PITPNB: variants seen among roughly 807,000 people sequenced by gnomAD.
PITPNB encodes the protein phosphatidylinositol transfer protein beta isoform.
PITPNB carries 16 observed loss-of-function variants against 45.9 expected under a neutral mutation model. The ratio of observed to expected loss-of-function variants is 0.35; its 90% CI spans 0.24 to 0.53. The LOEUF (loss-of-function observed/expected upper bound fraction) is 0.53. Among genes scored for constraint, PITPNB ranks in the 20% least tolerant of loss-of-function variants. The pLI, the probability that PITPNB is intolerant of heterozygous loss-of-function variation, is 0.93. For missense variants in PITPNB, 188 were observed against 330.5 expected, an observed-to-expected ratio of 0.57 and a Z score of 3.34; for synonymous variants, 112 against 108.9, an observed-to-expected ratio of 1.03 and a Z score of -0.18.
chr22:27,886,167 C>T (rs570303582), intron 7 of PITPNB, among the ~76,000 whole-genome samples: 27 of 152,332 alleles, frequency 1.8e-4, no homozygotes, highest in African/African-American at 6.0e-4. Context: ...TCTCTTGAAA[C>T]AGGAAATCCG....
chr22:27,896,320 G>A (rs1456895400), intron 6 of PITPNB, among the ~76,000 whole-genome samples: 1 of 152,106 alleles, frequency 6.6e-6, no homozygotes. Context: ...TCCTTGTCTC[G>A]GATAAAGAGA....
chr22:27,876,232 C>T (rs1028259225), intron 7 of PITPNB, among the ~76,000 whole-genome samples: 4 of 152,240 alleles, frequency 2.6e-5, no homozygotes, highest in African/African-American at 9.6e-5. Flanking sequence ...ACAATCAAAC[C>T]ACATTTCAAA....
chr22:27,911,690 C>T lies in PITPNB; in HGVS notation c.52-581G>A, dbSNP rs557450537. Among the ~76,000 whole-genome samples the T allele has an allele frequency of 3.3e-5, 5 of 152,288 alleles. No homozygotes were observed. In the South Asian group the frequency reaches 1.0e-3, roughly 32 times the overall value. On this transcript the variant is annotated intron_variant, in intron 2 of 11. Transcript: ENST00000335272. The stretch of plus-strand genomic sequence containing the variant: ...TAACTTATGACTTATTTATGATACA[C>T]TCAATTTGGTCCTTCTTCAGCTAAC...
intron 3 of PITPNB, among the ~76,000 whole-genome samples, chr22:27,910,194 C>T (rs893426143): frequency 1.3e-5 from 2 of 152,070 alleles, no homozygotes; most frequent in Non-Finnish European, 2.9e-5. Flanking sequence ...TCGTAATCTG[C>T]CCGCCTCAGC....
At position 27,853,457 on chromosome 22, in the gene PITPNB, T is replaced by TG. The variant is rs34214508; in HGVS notation, c.*244dup. On this transcript the variant is annotated 3_prime_UTR_variant, in exon 12 of 12. Coordinates refer to ENST00000335272, the MANE Select transcript of PITPNB (RefSeq NM_012399.5). ...ACATATATACACAAGTGTGTGTATCTGGATCTGTAGCTCTACATGCGCTTT... is the reference window on the plus strand; with the variant it reads ...ACATATATACACAAGTGTGTGTATCTGGGATCTGTAGCTCTACATGCGCTTT... 1 of 629,504 alleles carries TG rather than the reference T, an allele frequency of 1.6e-6. No individual in the cohort carries two copies. The highest frequency in any genetic ancestry group is 2.7e-5 in the East Asian group (1 of 36,438). 39.0% of individuals were successfully genotyped at this position (629,504 alleles called of 1,614,324 possible).
chr22:27,912,085 T>C (rs749105353), intron 2 of PITPNB, among the ~76,000 whole-genome samples: 3 of 152,234 alleles, frequency 2.0e-5, no homozygotes, highest in Non-Finnish European at 4.4e-5. Flanking sequence ...ATTTCTTCTT[T>C]ATAAGCATAT....
chr22:27,889,498 G>A (rs145605529), intron 7 of PITPNB, among the ~76,000 whole-genome samples: 246 of 152,296 alleles, frequency 1.6e-3, no homozygotes, highest in African/African-American at 5.5e-3. Flanking sequence ...TCAGAGCAAC[G>A]AGTGTAAGAG....
Position 27,854,851 on chromosome 22 carries a change from TAC to T in PITPNB, c.*38+1_*38+2del, listed in dbSNP as rs1188774619. 11 of 1,597,568 alleles carry T rather than the reference TAC, an allele frequency of 6.9e-6. No homozygotes were observed. The highest frequency in any genetic ancestry group is 4.4e-5 in the South Asian group (4 of 90,284). On this transcript the variant is annotated splice_donor_variant, in intron 11 of 11. Transcript: ENST00000335272. LOFTEE classifies it low-confidence loss of function (3UTR_SPLICE). ...ACATCTTTTTACCCAGGTCTTCACT[TAC>T]ACAGTTTGACATTGTCTCTGACCCT...
chr22:27,896,443 G>A, intron 6 of PITPNB, 109 bp downstream of exon 6: 10 of 772,172 alleles, frequency 1.3e-5, no homozygotes, highest in South Asian at 2.9e-5. Flanking sequence ...ACACAGCTTG[G>A]TGCGGTCAGA....
intron 7 of PITPNB, among the ~76,000 whole-genome samples, chr22:27,888,063 G>C (rs1353400223): frequency 1.3e-5 from 2 of 152,146 alleles, no homozygotes; most frequent in Non-Finnish European, 2.9e-5. Context: ...CATTCTTCTT[G>C]ATAGTCCATA....
chr22:27,910,891 G>A, intron 3 of PITPNB, 73 bp downstream of exon 3: 1 of 1,055,646 alleles, frequency 9.5e-7, no homozygotes, highest in Non-Finnish European at 1.5e-6. Flanking sequence ...ACATCTACTA[G>A]TTAAGTTAGC....
intron 3 of PITPNB, chr22:27,898,141 T>A (rs1040846366): frequency 5.0e-6 from 2 of 400,538 alleles, no homozygotes; most frequent in African/African-American, 4.1e-5. Flanking sequence ...TTTGAGAGGC[T>A]GAGGCAGGAG....
chr22:27,913,469 T>C (rs1443415400), intron 2 of PITPNB, among the ~76,000 whole-genome samples: 3 of 152,252 alleles, frequency 2.0e-5, no homozygotes, highest in Non-Finnish European at 4.4e-5. Flanking sequence ...TTTTGCTATA[T>C]ATATCTTGAT....
chr22:27,891,832 A>G (rs545020818), intron 7 of PITPNB, among the ~76,000 whole-genome samples: 1 of 152,330 alleles, frequency 6.6e-6, no homozygotes, highest in Non-Finnish European at 1.5e-5. Context: ...GTATCTTTAC[A>G]GCAGTATGAA....
intron 3 of PITPNB, among the ~76,000 whole-genome samples, chr22:27,905,817 A>G (rs1328744691): frequency 3.3e-5 from 5 of 152,202 alleles, no homozygotes; most frequent in African/African-American, 1.2e-4. Context: ...AACTAGCAAA[A>G]AGGACTGGTC....
At chr22:27,902,126 C>A (rs1049684049) in intron 3 of PITPNB, among the ~76,000 whole-genome samples, 1 of 151,986 alleles carries the variant, frequency 6.6e-6, no homozygotes, top group Non-Finnish European at 1.5e-5. Context: ...AATTAAAGAA[C>A]AGGGTACTGG....
chr22:27,912,548 C>T lies in PITPNB; in HGVS notation c.52-1439G>A, dbSNP rs572903826. 7.9e-5 allele frequency among the ~76,000 whole-genome samples: 12 copies of T among 151,920 alleles called. 1 individual carries two copies. The East Asian group carries it at 2.1e-3, about 27-fold the overall frequency. ...GTCAGGAACACACAATAACAATATT[C>T]AAATGAACTGTATCCAAAAAAACGT... On this transcript the variant is annotated intron_variant, in intron 2 of 11. Transcript: ENST00000335272.
At chr22:27,893,946 C>T (rs1935363433) in intron 7 of PITPNB, among the ~76,000 whole-genome samples, 1 of 152,072 alleles carries the variant, frequency 6.6e-6, no homozygotes, top group Admixed American at 6.5e-5. Context: ...CTTAATCTGG[C>T]ATGAGGAATA....
At chr22:27,855,175 C>G (rs918220152) in intron 10 of PITPNB, among the ~76,000 whole-genome samples, 1 of 152,138 alleles carries the variant, frequency 6.6e-6, no homozygotes, top group Non-Finnish European at 1.5e-5. Flanking sequence ...CAAAAGCCTG[C>G]AGACTGATAA....
Sources: gnomAD v4.1 joint callset for allele counts (sites outside exome capture counted in the v4.1 genomes callset) on GRCh38, gnomAD v4.1.1 for gene constraint, MANE v1.5 for transcripts, NCBI Gene and HGNC (gene_info 2026-07-23, HGNC 2026-07-21) for gene names.